The following ZNF106 variants were observed in gnomAD, a reference collection of about 807,000 sequenced individuals.
The protein encoded by ZNF106 is zinc finger protein 106.
In ZNF106, 67 loss-of-function variants were observed where a neutral mutation model predicts 195.1. That is an observed-to-expected ratio of 0.34 (90% CI 0.28 to 0.42). ZNF106 has a LOEUF of 0.42. Ranked by LOEUF, ZNF106 falls within the 10% of genes least tolerant of loss-of-function variation. The pLI is 1.00. For synonymous variants in ZNF106, 784 were observed against 818.6 expected (o/e 0.96, Z 0.72); for missense variants, 2,118 against 2,304.5 (o/e 0.92, Z 1.66).
At chr15:42,435,360 T>A in intron 14 of ZNF106, 24 bp downstream of exon 14, 1 of 1,613,966 alleles carries the variant, frequency 6.2e-7, no homozygotes, top group East Asian at 2.2e-5. Context: ...ATGAACCACT[T>A]TGGATTTCTC....
intron 8 of ZNF106, 98 bp from the exon 9 acceptor site, chr15:42,444,360 T>C: frequency 2.2e-6 from 2 of 896,664 alleles, no homozygotes; most frequent in Non-Finnish European, 3.5e-6. Flanking sequence ...AAAATCAGAG[T>C]GTCTTGACTG....
At chr15:42,427,756 C>T in intron 15 of ZNF106, 1 of 307,626 alleles carries the variant, frequency 3.3e-6, no homozygotes, top group South Asian at 4.3e-5. Context: ...TAATACATGA[C>T]TCATTATTTG....
At chr15:42,473,319 G>A (rs764765786) in intron 1 of ZNF106, among the ~76,000 whole-genome samples, 11 of 152,240 alleles carry the variant, frequency 7.2e-5, no homozygotes, top group Middle Eastern at 3.4e-3. Flanking sequence ...TCCCAATGGC[G>A]TCCATCTCAC....
intron 9 of ZNF106, 32 bp from the exon 10 acceptor site, chr15:42,442,446 C>T (rs769349055): frequency 1.3e-6 from 2 of 1,541,558 alleles, no homozygotes; most frequent in Non-Finnish European, 1.8e-6. Flanking sequence ...CATAGAAATG[C>T]AAAAATGTTA....
rs764634579 is a variant in ZNF106 at position 42,442,358 on chromosome 15, G to A, written c.3478C>T (p.Arg1160Ter). ...DQVPCSLTRERRNSRSQTSID... is the reference protein window; with the variant it reads ...DQVPCSLTRE Reference sequence around the variant, plus strand: ...GATGTTTGAGATCTACTGTTCCTTCGTTCTCGTGTGAGGCTACAGGGAACC... The same window carrying A: ...GATGTTTGAGATCTACTGTTCCTTCATTCTCGTGTGAGGCTACAGGGAACC... Residue 1160 changes from arginine to a stop codon, truncating the protein, a stop_gained, in exon 10 of 22, where the codon CGA (arginine) becomes TGA (stop). Transcript: ENST00000564754. LOFTEE classifies it high-confidence loss of function. The A allele has an allele frequency of 2.5e-6, 4 of 1,614,032 alleles. No individual in the cohort carries two copies. The highest frequency in any genetic ancestry group is 2.2e-5 in the East Asian group (1 of 44,900).
chr15:42,424,749 G>C (rs2054792550), intron 16 of ZNF106, 85 bp downstream of exon 16: 2 of 1,384,142 alleles, frequency 1.4e-6, no homozygotes, highest in Admixed American at 4.4e-5. Context: ...CAAAGTGCTG[G>C]GACTACAGAC....
chr15:42,442,330 A>G lies in ZNF106; in HGVS notation c.3506T>C (p.Ile1169Thr), dbSNP rs2055572351. The G allele has an allele frequency of 1.9e-6, 3 of 1,614,066 alleles. No individual in the cohort carries two copies. The highest frequency in any genetic ancestry group is 2.2e-5 in the East Asian group (1 of 44,900). ...GGGAGTGGGCAGCAGTGCGGCATCA[A>G]TGGATGTTTGAGATCTACTGTTCCT... ...ERRNSRSQTS[I>T]DAALLPTPFF... Residue 1169 changes from isoleucine to threonine, a missense_variant, in exon 10 of 22, where the codon ATT (isoleucine) becomes ACT (threonine). By Grantham distance (89) the Ile-to-Thr change is moderately conservative. Transcript: ENST00000564754.
intron 3 of ZNF106, 74 bp from the exon 4 acceptor site, chr15:42,457,232 T>C (rs2056259411): frequency 6.2e-7 from 1 of 1,610,112 alleles, no homozygotes; most frequent in Non-Finnish European, 8.5e-7. Context: ...CTGTTATTGT[T>C]TCCTCTGAAG....
chr15:42,469,997 T>C (rs1440636791), intron 2 of ZNF106, among the ~76,000 whole-genome samples: 1 of 152,152 alleles, frequency 6.6e-6, no homozygotes, highest in African/African-American at 2.4e-5. Context: ...AGTATTATAT[T>C]TTTAAAGGCT....
At chr15:42,431,389 C>CTT (rs552325544) in intron 14 of ZNF106, among the ~76,000 whole-genome samples, 8 of 121,084 alleles carry the variant, frequency 6.6e-5, no homozygotes, top group East Asian at 2.3e-4. Context: ...TTATACGGTT[C>CTT]TTTTTTTTTT....
At chr15:42,435,350 A>G in intron 14 of ZNF106, 34 bp downstream of exon 14, 1 of 1,613,800 alleles carries the variant, frequency 6.2e-7, no homozygotes, top group Non-Finnish European at 8.5e-7. Flanking sequence ...GCGACTCAAT[A>G]TGAACCACTT....
chr15:42,423,342 C>G (rs1032820181), intron 17 of ZNF106, among the ~76,000 whole-genome samples: 2 of 151,556 alleles, frequency 1.3e-5, no homozygotes, highest in African/African-American at 2.4e-5. Flanking sequence ...TGCACTCCAG[C>G]CTGGGGGACA....
At chr15:42,421,891 T>C (rs756984094) in intron 19 of ZNF106, 26 bp downstream of exon 19, 1 of 1,508,768 alleles carries the variant, frequency 6.6e-7, no homozygotes, top group South Asian at 1.3e-5. Flanking sequence ...CAAAAGCAAA[T>C]ATCTTACATG....
intron 2 of ZNF106, among the ~76,000 whole-genome samples, chr15:42,467,427 T>A (rs1466626554): frequency 6.6e-6 from 1 of 152,234 alleles, no homozygotes; most frequent in Non-Finnish European, 1.5e-5. Context: ...ACCTCATTCA[T>A]TCACCAAATA....
chr15:42,458,126 A>T (rs185607568), intron 3 of ZNF106, among the ~76,000 whole-genome samples: 141 of 152,246 alleles, frequency 9.3e-4, no homozygotes, highest in Admixed American at 3.5e-3. Flanking sequence ...TCAACAATCC[A>T]AATTGGCTTA....
At chr15:42,462,598 C>CAATA (rs767382558) in intron 3 of ZNF106, among the ~76,000 whole-genome samples, 98 of 151,848 alleles carry the variant, frequency 6.5e-4, no homozygotes, top group Middle Eastern at 3.4e-3. Flanking sequence ...AACTCCGTCT[C>CAATA]AATAAATAAA....
intron 17 of ZNF106, among the ~76,000 whole-genome samples, chr15:42,423,303 G>A (rs1056617679): frequency 1.3e-5 from 2 of 151,866 alleles, no homozygotes; most frequent in Admixed American, 6.6e-5. Context: ...CTAGGAGGTT[G>A]AGGCTGCAGT....
intron 9 of ZNF106, 124 bp downstream of exon 9, chr15:42,444,078 C>T (rs1477969292): frequency 3.0e-6 from 2 of 663,522 alleles, no homozygotes; most frequent in Non-Finnish European, 2.4e-6. Flanking sequence ...CACCACTGCA[C>T]TCCAGCCTGG....
At chr15:42,455,611 G>A (rs1055226979) in intron 4 of ZNF106, among the ~76,000 whole-genome samples, 16 of 152,062 alleles carry the variant, frequency 1.1e-4, no homozygotes, top group Admixed American at 1.0e-3. Flanking sequence ...TGTTGCCCAG[G>A]CTGGTCTTAA....
Sources: gnomAD v4.1 joint callset for allele counts (sites outside exome capture counted in the v4.1 genomes callset) on GRCh38, gnomAD v4.1.1 for gene constraint, MANE v1.5 for transcripts, NCBI Gene and HGNC (gene_info 2026-07-23, HGNC 2026-07-21) for gene names.